SPANXN4: variants seen among roughly 807,000 people sequenced by gnomAD.
SPANXN4 encodes the protein SPANX family member N4.
Under a neutral mutation model 6.0 loss-of-function variants are expected in SPANXN4, and 5 were observed. The observed-to-expected ratio is 0.83, with a 90% confidence interval of 0.44 to 1.75. The LOEUF (loss-of-function observed/expected upper bound fraction) is 1.75, where lower values mean the gene tolerates loss of function less well. Ranked by LOEUF, SPANXN4 falls within the 40% of genes most tolerant of loss-of-function variation. SPANXN4 has a pLI of 0.02. For synonymous variants in SPANXN4, 45 were observed against 38.0 expected, an observed-to-expected ratio of 1.19 and a Z score of -0.68; for missense variants, 157 against 108.6, an observed-to-expected ratio of 1.45 and a Z score of -1.98.
At chrX:143,027,629 G>A (rs1390008204) in intron 1 of SPANXN4, among the ~76,000 whole-genome samples, 1 of 111,599 alleles carries the variant, frequency 9.0e-6, no homozygotes, top group Non-Finnish European at 1.9e-5. Flanking sequence ...CCAAGTAGGT[G>A]AGATGCAGGT....
downstream of SPANXN4, among the ~76,000 whole-genome samples, chrX:143,037,552 T>C (rs1569430555): frequency 8.9e-6 from 1 of 111,812 alleles, no homozygotes; most frequent in African/African-American, 3.2e-5. Flanking sequence ...TTAGGGTTTA[T>C]AGTCTATCAG....
intron 1 of SPANXN4, among the ~76,000 whole-genome samples, chrX:143,026,400 G>A (rs1030036144): frequency 9.0e-6 from 1 of 111,616 alleles, no homozygotes; most frequent in Admixed American, 9.5e-5. Context: ...AGATATGATA[G>A]GGATGTTTTT....
At chrX:143,033,172 A>G (rs1284317264) in intron 1 of SPANXN4, among the ~76,000 whole-genome samples, 3 of 111,751 alleles carry the variant, frequency 2.7e-5, no homozygotes, top group Non-Finnish European at 5.6e-5. Context: ...AGCCACCCAG[A>G]AAGGGTAAGG....
chrX:143,030,997 G>T (rs376671537), intron 1 of SPANXN4, among the ~76,000 whole-genome samples: 7 of 111,433 alleles, frequency 6.3e-5, no homozygotes, highest in African/African-American at 2.0e-4. Context: ...GTTTAGAAAC[G>T]TTCCAAACTT....
chrX:143,031,230 T>C (rs1398861555), intron 1 of SPANXN4, among the ~76,000 whole-genome samples: 1 of 110,686 alleles, frequency 9.0e-6, no homozygotes, highest in Non-Finnish European at 1.9e-5. Flanking sequence ...AAAGGACCAG[T>C]CTGATTGTGC....
At chrX:143,027,736 G>A (rs188071466) in intron 1 of SPANXN4, among the ~76,000 whole-genome samples, 5 of 110,556 alleles carry the variant, frequency 4.5e-5, no homozygotes, top group East Asian at 2.8e-4. Context: ...GAAGAAAGAC[G>A]GGAGGGAGTG....
exon 2 of SPANXN4, chrX:143,034,053 C>A: frequency 8.5e-7 from 1 of 1,177,799 alleles, no homozygotes; most frequent in Non-Finnish European, 1.1e-6. Context: ...AGAGCCTCAG[C>A]CCCTGAACAG....
rs146847814 is a variant in SPANXN4, at chrX:143,030,355, C to T, written c.79-3673C>T. Among the ~76,000 whole-genome samples the T allele has an allele frequency of 6.5e-3, 721 of 111,069 alleles. 7 individuals carry two copies. Among genetic ancestry groups the T allele is most frequent in the African/African-American group, 0.022 (684 of 30,476 alleles). On this transcript the variant is annotated intron_variant, in intron 1 of 2. Transcript: ENST00000370504. ...GCTTTTGTGGGTGACACCCGACATC[C>T]TCAATTATGGAGGAAGTTTAAAACC...
downstream of SPANXN4, among the ~76,000 whole-genome samples, chrX:143,037,169 C>T (rs772656264): frequency 1.7e-4 from 19 of 110,464 alleles, no homozygotes; most frequent in East Asian, 3.2e-3. Flanking sequence ...CCTGATGAGG[C>T]GATTATCATT....
chrX:143,029,283 G>C (rs1387797551), intron 1 of SPANXN4, among the ~76,000 whole-genome samples: 1 of 111,617 alleles, frequency 9.0e-6, no homozygotes, highest in African/African-American at 3.3e-5. Flanking sequence ...TTTGTAGTTA[G>C]AAAACCCCTT....
intron 1 of SPANXN4, among the ~76,000 whole-genome samples, chrX:143,031,046 G>A (rs898670999): frequency 9.3e-6 from 1 of 107,853 alleles, no homozygotes; most frequent in Non-Finnish European, 1.9e-5. Context: ...ATGAAGATGA[G>A]GGGGAGGAGA....
intron 1 of SPANXN4, among the ~76,000 whole-genome samples, chrX:143,033,451 C>T (rs1405658713): frequency 9.0e-6 from 1 of 111,376 alleles, no homozygotes; most frequent in Non-Finnish European, 1.9e-5. Flanking sequence ...ACCACTCAAA[C>T]AGCAACACAG....
chrX:143,035,382 T>A (rs1029246650), downstream of SPANXN4, among the ~76,000 whole-genome samples: 3 of 111,011 alleles, frequency 2.7e-5, no homozygotes, highest in African/African-American at 9.8e-5. Context: ...ATATCCATTG[T>A]CAATACTTAA....
downstream of SPANXN4, among the ~76,000 whole-genome samples, chrX:143,035,799 A>G: frequency 9.1e-6 from 1 of 109,738 alleles, no homozygotes; most frequent in South Asian, 4.0e-4. Context: ...AATAGCAGCT[A>G]AAATCTACTT....
chrX:143,034,755 C>G (rs1311183447), downstream of SPANXN4: 2 of 1,063,873 alleles, frequency 1.9e-6, no homozygotes, highest in Non-Finnish European at 2.4e-6. Flanking sequence ...ATGCCACACA[C>G]AATAAAATAA....
downstream of SPANXN4, among the ~76,000 whole-genome samples, chrX:143,036,892 A>G (rs1016195556): frequency 1.8e-5 from 2 of 111,349 alleles, no homozygotes; most frequent in South Asian, 3.8e-4. Context: ...AGATCTTTCA[A>G]TGCTAGGGTG....
rs138208019 is a variant in SPANXN4, at chrX:143,027,350, A to G, written c.78+1258A>G. On this transcript the variant is annotated intron_variant, in intron 1 of 2. Coordinates refer to ENST00000370504, the Ensembl canonical transcript of SPANXN4. ...ATTGCGGTCCTGATATGGCAGAAGG[A>G]TATAGGTTGCAGTTGAGGGAATTGT... is the stretch of plus-strand genomic sequence containing the variant. Among the ~76,000 whole-genome samples the G allele has an allele frequency of 7.2e-3, 797 of 111,265 alleles. 8 individuals are homozygous for G. Among genetic ancestry groups the G allele is most frequent in the African/African-American group, 0.025 (764 of 30,538 alleles).
At chrX:143,027,737 G>A (rs1414624665) in intron 1 of SPANXN4, among the ~76,000 whole-genome samples, 1 of 110,628 alleles carries the variant, frequency 9.0e-6, no homozygotes, top group Non-Finnish European at 1.9e-5. Flanking sequence ...AAGAAAGACG[G>A]GAGGGAGTGT....
chrX:143,031,351 G>A (rs60201101), intron 1 of SPANXN4, among the ~76,000 whole-genome samples: 24,678 of 110,020 alleles, frequency 0.22, 2,327 homozygotes, highest in Admixed American at 0.43. Flanking sequence ...GGAAAGACAC[G>A]GGCTTACTAG....
Sources: allele counts gnomAD v4.1 joint callset (sites outside exome capture counted in the v4.1 genomes callset), GRCh38; gene constraint gnomAD v4.1.1; transcripts MANE v1.5; gene names NCBI Gene and HGNC (gene_info 2026-07-23, HGNC 2026-07-21).